The following SPINK1 variants were observed in gnomAD, a reference collection of about 807,000 sequenced individuals.
SPINK1 encodes serine peptidase inhibitor Kazal type 1.
A neutral mutation model predicts 9.5 loss-of-function variants in SPINK1; 5 were observed. That is an observed-to-expected ratio of 0.52 (90% CI 0.27 to 1.10). SPINK1 has a LOEUF of 1.10. Among genes scored for constraint, SPINK1 ranks in the 50% least tolerant of loss-of-function variants. The probability of loss-of-function intolerance (pLI) is 0.11; values close to 1 mark genes in which losing one functional copy is unlikely to be tolerated. For missense variants in SPINK1, 88 were observed against 92.7 expected (o/e 0.95, Z 0.21); for synonymous variants, 37 against 32.3 (o/e 1.14, Z -0.49).
chr5:147,828,012 T>A lies in SPINK1; in HGVS notation c.194+10A>T. The A allele has an allele frequency of 6.2e-7, 1 of 1,600,446 alleles. No individual in the cohort carries two copies. Among genetic ancestry groups the A allele is most frequent in the Non-Finnish European group, 8.6e-7 (1 of 1,169,278 alleles). On this transcript the variant is annotated intron_variant, in intron 3 of 3. Transcript: ENST00000296695. ...TATATAGTTTAAAAGAAACTCAAGT[T>A]TGTACTCACCGATTTTCAAAACATA...
At chr5:147,832,667 G>T (rs1756528787), upstream of SPINK1, among the ~76,000 whole-genome samples, 1 of 152,142 alleles carries the variant, frequency 6.6e-6, no homozygotes, top group Non-Finnish European at 1.5e-5. Flanking sequence ...ATTGGCCTGT[G>T]GAAATTGGGG....
At chr5:147,833,933 G>A (rs1580945301), upstream of SPINK1, among the ~76,000 whole-genome samples, 5 of 151,914 alleles carry the variant, frequency 3.3e-5, no homozygotes, top group South Asian at 2.1e-4. Context: ...CCTTTACTAG[G>A]ACCAACAAAA....
At chr5:147,833,079 A>G (rs1756535942), upstream of SPINK1, among the ~76,000 whole-genome samples, 1 of 152,182 alleles carries the variant, frequency 6.6e-6, no homozygotes, top group Admixed American at 6.6e-5. Context: ...TTTTCAGGTG[A>G]TATCACACAG....
At chr5:147,831,413 A>C (rs1476456930) in intron 1 of SPINK1, 110 bp downstream of exon 1, 1 of 1,423,666 alleles carries the variant, frequency 7.0e-7, no homozygotes, top group Non-Finnish European at 9.7e-7. Flanking sequence ...CATTAGGTCC[A>C]AAACATCTCT....
In SPINK1 at chr5:147,831,619, G is replaced by A. The variant is rs181484530; in HGVS notation, c.-42C>T. The A allele has an allele frequency of 8.3e-5, 133 of 1,610,734 alleles. No homozygotes were observed. The East Asian group carries it at 2.5e-3, about 30-fold the overall frequency. On this transcript the variant is annotated 5_prime_UTR_variant, in exon 1 of 4. Coordinates refer to ENST00000296695, the MANE Select transcript of SPINK1 (RefSeq NM_001379610.1). ...CCAGAGGTCAGTTGAAAACTGCACCGCACTTACCACGTCTCTTCAGAAGCC... is the reference window on the plus strand; with the variant it reads ...CCAGAGGTCAGTTGAAAACTGCACCACACTTACCACGTCTCTTCAGAAGCC...
the SPINK1 span, among the ~76,000 whole-genome samples, chr5:147,837,685 CTTTCTTT>C: frequency 6.9e-6 from 1 of 145,924 alleles, no homozygotes; most frequent in Non-Finnish European, 1.5e-5. Context: ...TTCTTTCTTT[CTTTCTTT>C]CTTTCTTTCT....
chr5:147,828,133 A>C lies in SPINK1; in HGVS notation c.88-5T>G, dbSNP rs1210945399. Reference sequence around the variant, plus strand: ...AAGTTCATTGTAACATTTGGCCTAAAAATGGAATTAAACAGAATCATTTCC... The same window carrying C: ...AAGTTCATTGTAACATTTGGCCTAACAATGGAATTAAACAGAATCATTTCC... On this transcript the variant is annotated splice_polypyrimidine_tract_variant and splice_region_variant and intron_variant, in intron 2 of 3. Coordinates refer to ENST00000296695, the MANE Select transcript of SPINK1 (RefSeq NM_001379610.1). 3.1e-6 allele frequency: 5 copies of C among 1,602,310 alleles called. No homozygotes were observed. The African/African-American group carries it at 5.4e-5, about 17-fold the overall frequency.
rs1457251814 is a variant in SPINK1, at chr5:147,829,153, TAGAG to T, written c.87+442_87+445del. On this transcript the variant is annotated intron_variant, in intron 2 of 3. Coordinates refer to ENST00000296695, the MANE Select transcript of SPINK1 (RefSeq NM_001379610.1). ...CTTAAACAAAAAAATATGAAAAGGT[TAGAG>T]TTAGAATATTTTTCTAGAAGGAGAA... Among the ~76,000 whole-genome samples, 1,483 of 152,294 alleles carry T rather than the reference TAGAG, an allele frequency of 9.7e-3. 15 individuals carry two copies. Among genetic ancestry groups the T allele is most frequent in the African/African-American group, 0.032 (1,322 of 41,558 alleles).
Position 147,829,714 on chromosome 5 carries a change from G to A in SPINK1, c.56-84C>T. On this transcript the variant is annotated intron_variant, in intron 1 of 3. Coordinates refer to ENST00000296695, the MANE Select transcript of SPINK1 (RefSeq NM_001379610.1). ...TTCATCAGAATTCTCTGCTTTCATT[G>A]CAGACTGTGACTTCTTTACTAGGCT... The A allele has an allele frequency of 4.7e-6, 6 of 1,270,990 alleles. No homozygotes were observed. The South Asian group carries it at 4.8e-5, about 10-fold the overall frequency. The allele number at this position is 1,270,990 out of a possible 1,614,324, so 78.7% of individuals were successfully genotyped here.
upstream of SPINK1, chr5:147,831,790 A>T (rs927501778): frequency 1.4e-6 from 2 of 1,413,738 alleles, no homozygotes; most frequent in Non-Finnish European, 1.8e-6. Flanking sequence ...AGGTGAAAGG[A>T]GCCAGGTGGG....
At chr5:147,837,922 G>A in the SPINK1 span, among the ~76,000 whole-genome samples, 1,605 of 151,884 alleles carry the variant, frequency 0.011, 30 homozygotes, top group African/African-American at 0.037. Context: ...GGCTGGTCTC[G>A]AACTCCTGAC....
chr5:147,828,702 C>G (rs978218978), intron 2 of SPINK1, among the ~76,000 whole-genome samples: 1 of 152,204 alleles, frequency 6.6e-6, no homozygotes, highest in Non-Finnish European at 1.5e-5. Context: ...AACCTCCTAA[C>G]TATCCTGTGA....
At chr5:147,827,903 A>C in intron 3 of SPINK1, 119 bp downstream of exon 3, 1 of 704,104 alleles carries the variant, frequency 1.4e-6, no homozygotes, top group Non-Finnish European at 2.4e-6. Context: ...GAAAGAGATA[A>C]CTGTTTTTGG....
In SPINK1 at chr5:147,827,901, T is replaced by C. The variant is rs776467704; in HGVS notation, c.194+121A>G. 7.5e-5 allele frequency: 52 copies of C among 695,024 alleles called. 1 individual carries two copies. Among genetic ancestry groups the C allele is most frequent in the Non-Finnish European group, 1.1e-4 (45 of 409,746 alleles). The allele number at this position is 695,024 out of a possible 1,614,324, so 43.1% of individuals were successfully genotyped here. ...TATAAAAGGGAGAATAAGAAAGAGA[T>C]AACTGTTTTTGGAAAAAGTAAATAG... On this transcript the variant is annotated intron_variant, in intron 3 of 3. Transcript: ENST00000296695.
intron 1 of SPINK1, 139 bp downstream of exon 1, chr5:147,831,384 T>C: frequency 9.2e-7 from 1 of 1,085,094 alleles, no homozygotes; most frequent in Non-Finnish European, 1.3e-6. Context: ...AATTCTTACC[T>C]GTTGATTTTA....
chr5:147,837,698 T>TTTCC, the SPINK1 span, among the ~76,000 whole-genome samples: 11 of 149,732 alleles, frequency 7.3e-5, no homozygotes, highest in African/African-American at 2.5e-4. Flanking sequence ...TCTTTCTTTC[T>TTTCC]TTCTTTCTTT....
intron 3 of SPINK1, 175 bp downstream of exon 3, chr5:147,827,847 T>A: frequency 1.9e-6 from 1 of 539,286 alleles, no homozygotes; most frequent in South Asian, 2.6e-5. Context: ...TACAAGTGAC[T>A]TCTAAAAAAT....
chr5:147,827,893 GA>G lies in SPINK1; in HGVS notation c.194+128del. 7.5e-6 allele frequency: 5 copies of G among 665,288 alleles called. No homozygotes were observed. The South Asian group carries it at 9.4e-5, about 13-fold the overall frequency. The allele number at this position is 665,288 out of a possible 1,614,324, so 41.2% of individuals were successfully genotyped here. ...GCTAAATATATAAAAGGGAGAATAA[GA>G]AAGAGATAACTGTTTTTGGAAAAAG... On this transcript the variant is annotated intron_variant, in intron 3 of 3. Coordinates refer to ENST00000296695, the MANE Select transcript of SPINK1 (RefSeq NM_001379610.1).
At chr5:147,833,241 G>A (rs909335138), upstream of SPINK1, among the ~76,000 whole-genome samples, 5 of 152,194 alleles carry the variant, frequency 3.3e-5, no homozygotes, top group Non-Finnish European at 4.4e-5. Context: ...TGAGCAAAGT[G>A]ATAGAGGGCA....
Sources: gnomAD v4.1 joint callset for allele counts (sites outside exome capture counted in the v4.1 genomes callset) on GRCh38, gnomAD v4.1.1 for gene constraint, MANE v1.5 for transcripts, NCBI Gene and HGNC (gene_info 2026-07-23, HGNC 2026-07-21) for gene names.